The following BDP1 variants were observed in gnomAD, a reference collection of about 807,000 sequenced individuals.
BDP1 encodes the protein BDP1 general transcription factor IIIB subunit, also known as transcription factor TFIIIB component B'' homolog.
Under a neutral mutation model 266.6 loss-of-function variants are expected in BDP1, and 169 were observed. That is an observed-to-expected ratio of 0.63 (90% CI 0.56 to 0.72). BDP1 has a LOEUF of 0.72. BDP1 is among the 30% of genes least tolerant of loss of function. BDP1 has a pLI of 0.00. For missense variants in BDP1, 3,015 were observed against 3,053.8 expected, an observed-to-expected ratio of 0.99 and a Z score of 0.30; for synonymous variants, 1,090 against 1,022.4, an observed-to-expected ratio of 1.07 and a Z score of -1.26.
intron 38 of BDP1, 96 bp from the exon 39 acceptor site, chr5:71,564,658 G>A: frequency 8.9e-7 from 1 of 1,126,792 alleles, no homozygotes; most frequent in Non-Finnish European, 1.2e-6. Flanking sequence ...TTTTCAAACA[G>A]ATCATATTGG....
At chr5:71,504,215 G>A (rs1478650464) in intron 15 of BDP1, among the ~76,000 whole-genome samples, 2 of 150,548 alleles carry the variant, frequency 1.3e-5, no homozygotes, top group Admixed American at 1.3e-4. Flanking sequence ...AGAGCTTGCA[G>A]TGAGCCGAGA....
Position 71,461,831 on chromosome 5 carries a change from C to T in BDP1, c.504C>T (p.Asn168=). ...TATGTATACAGAAACAATGGAAAAA[C>T]AAATATGCTATAAATGAAAGTCAGA... The part of the protein sequence containing the change: ...ELRKEKKQWK[N]KYAINESQRP... Residue 168 remains asparagine (N), a synonymous_variant, in exon 3 of 39, where the codon AAC becomes AAT. Coordinates refer to ENST00000358731, the MANE Select transcript of BDP1 (RefSeq NM_018429.3). 3.8e-6 allele frequency: 6 copies of T among 1,595,438 alleles called. No homozygotes were observed. Among genetic ancestry groups the T allele is most frequent in the Non-Finnish European group, 5.1e-6 (6 of 1,168,706 alleles).
chr5:71,557,241 C>T (rs1460366938), intron 36 of BDP1, among the ~76,000 whole-genome samples: 1 of 152,106 alleles, frequency 6.6e-6, no homozygotes, highest in Non-Finnish European at 1.5e-5. Flanking sequence ...CAGGTTCTCA[C>T]TCTGTTACCT....
intron 13 of BDP1, among the ~76,000 whole-genome samples, chr5:71,499,423 C>T (rs1012922917): frequency 3.9e-5 from 6 of 152,174 alleles, no homozygotes; most frequent in South Asian, 2.1e-4. Flanking sequence ...TTGAAACCAG[C>T]CTGGCCAACA....
At position 71,504,608 on chromosome 5, in the gene BDP1, GT is replaced by G; in HGVS notation, c.2242-10del. On this transcript the variant is annotated splice_polypyrimidine_tract_variant and intron_variant, in intron 15 of 38. Coordinates refer to ENST00000358731, the MANE Select transcript of BDP1 (RefSeq NM_018429.3). ...GAAACCTAAAACATTAGAAAAATTT[GT>G]TTGTTTTTAAGACTCCTCAACACAT... is the stretch of plus-strand genomic sequence containing the variant. 6.3e-7 allele frequency: 1 copy of G among 1,592,952 alleles called. No individual in the cohort carries two copies. Among genetic ancestry groups the G allele is most frequent in the Non-Finnish European group, 8.5e-7 (1 of 1,171,906 alleles).
intron 34 of BDP1, among the ~76,000 whole-genome samples, chr5:71,552,807 G>A (rs1438588938): frequency 2.6e-5 from 4 of 152,218 alleles, no homozygotes; most frequent in African/African-American, 4.8e-5. Flanking sequence ...GAGGGAGACC[G>A]TGGAAAGAGA....
At chr5:71,552,673 A>T (rs983457364) in intron 34 of BDP1, among the ~76,000 whole-genome samples, 2 of 152,244 alleles carry the variant, frequency 1.3e-5, no homozygotes, top group Admixed American at 6.5e-5. Context: ...TACGAAAACC[A>T]GTCAGGTGTG....
At chr5:71,477,088 C>G (rs548513356) in intron 7 of BDP1, among the ~76,000 whole-genome samples, 4 of 151,744 alleles carry the variant, frequency 2.6e-5, no homozygotes, top group Non-Finnish European at 5.9e-5. Flanking sequence ...TTCAAGTGGT[C>G]TGCCTACCTC....
intron 7 of BDP1, among the ~76,000 whole-genome samples, chr5:71,476,852 C>T (rs1021049328): frequency 3.9e-5 from 6 of 151,912 alleles, no homozygotes; most frequent in Admixed American, 6.6e-5. Context: ...TACAGGCGCC[C>T]GCCACCACGC....
rs758473463 is a variant in BDP1 at position 71,567,127 on chromosome 5, A to T, written c.*2242A>T. The T allele has an allele frequency of 1.3e-5, 2 of 152,186 alleles. No homozygotes were observed. The highest frequency in any genetic ancestry group is 2.9e-5 in the Non-Finnish European group (2 of 68,024). The allele number at this position is 152,186 out of a possible 1,614,324, so 9.4% of individuals were successfully genotyped here. A position where few individuals can be genotyped will look rare whatever the true frequency, so the allele number is the denominator to read the frequency against. ...AATCATGGTAGTAAATCACATTGCTATTTGAATACCCTGTTTTTGTAAGTT... is the reference window on the plus strand; with the variant it reads ...AATCATGGTAGTAAATCACATTGCTTTTTGAATACCCTGTTTTTGTAAGTT... On this transcript the variant is annotated 3_prime_UTR_variant, in exon 39 of 39. Transcript: ENST00000358731.
At chr5:71,533,324 C>CT (rs1766368761) in intron 26 of BDP1, among the ~76,000 whole-genome samples, 1 of 152,096 alleles carries the variant, frequency 6.6e-6, no homozygotes, top group East Asian at 1.9e-4. Flanking sequence ...TATGGTAACT[C>CT]TATGTTTCAT....
At chr5:71,544,275 T>C in intron 30 of BDP1, 82 bp from the exon 31 acceptor site, 1 of 1,337,710 alleles carries the variant, frequency 7.5e-7, no homozygotes, top group South Asian at 1.5e-5. Context: ...GGAATCTTCC[T>C]TTTAAGAGGG....
chr5:71,511,957 AC>A, intron 17 of BDP1, among the ~76,000 whole-genome samples: 1 of 149,446 alleles, frequency 6.7e-6, no homozygotes, highest in South Asian at 2.1e-4. Flanking sequence ...TTTTCAAGTT[AC>A]TTTGAAGTTC....
chr5:71,527,129 C>T (rs1219572704), intron 25 of BDP1, among the ~76,000 whole-genome samples: 1 of 152,116 alleles, frequency 6.6e-6, no homozygotes, highest in Admixed American at 6.6e-5. Flanking sequence ...CTATGTTGCA[C>T]AGTCTGGTCT....
intron 3 of BDP1, among the ~76,000 whole-genome samples, chr5:71,463,614 G>C (rs1301115990): frequency 6.6e-6 from 1 of 152,026 alleles, no homozygotes; most frequent in Non-Finnish European, 1.5e-5. Context: ...ATGATCCCAG[G>C]AGTTTGAGAC....
chr5:71,497,638 CAGT>C (rs766588879), intron 13 of BDP1, among the ~76,000 whole-genome samples: 3 of 152,188 alleles, frequency 2.0e-5, no homozygotes, highest in Admixed American at 6.5e-5. Context: ...CAGATATCCT[CAGT>C]GGTGATAAAT....
rs1398432476 is a variant in BDP1, at chr5:71,539,636, T to G, written c.6009T>G (p.Ser2003Arg). The change falls in exon 28 of 39, where the codon AGT (serine) becomes AGG (arginine). Residue 2003 changes from serine (S) to arginine (R), a missense_variant. Coordinates refer to ENST00000358731, the MANE Select transcript of BDP1 (RefSeq NM_018429.3). ...GDLVLQSEIS[S>R]EQGDVGVCII... is the part of the protein sequence containing the mutation. ...TAGTATTGCAGTCAGAGATCAGTAG[T>G]GAACAGGGTGATGGTAAGAATGAAA... 6.2e-7 allele frequency: 1 copy of G among 1,608,246 alleles called. No individual in the cohort carries two copies. Among genetic ancestry groups the G allele is most frequent in the Non-Finnish European group, 8.5e-7 (1 of 1,176,096 alleles).
rs1424164171 is a variant in BDP1 at position 71,510,921 on chromosome 5, G to A, written c.3829G>A (p.Glu1277Lys). ...KVSGKMAVVE[E>K]MEADLKETGK... ...ATCAGGAAAGATGGCTGTTGTTGAA[G>A]AAATGGAGGCAGATTTGAAAGAAAC... Residue 1277 changes from glutamate (E) to lysine (K), a missense_variant, in exon 17 of 39, where the codon GAA (glutamate) becomes AAA (lysine). Coordinates refer to ENST00000358731, the MANE Select transcript of BDP1 (RefSeq NM_018429.3). 3 of 1,613,708 alleles carry A rather than the reference G, an allele frequency of 1.9e-6. No homozygotes were observed. Among genetic ancestry groups the A allele is most frequent in the Non-Finnish European group, 2.5e-6 (3 of 1,179,784 alleles).
At chr5:71,491,830 A>G (rs1381390555) in intron 11 of BDP1, among the ~76,000 whole-genome samples, 1 of 152,014 alleles carries the variant, frequency 6.6e-6, no homozygotes, top group East Asian at 1.9e-4. Flanking sequence ...CAATCCTCCC[A>G]TCTCAGCCTC....
Sources: allele counts gnomAD v4.1 joint callset (sites outside exome capture counted in the v4.1 genomes callset), GRCh38; gene constraint gnomAD v4.1.1; transcripts MANE v1.5; gene names NCBI Gene and HGNC (gene_info 2026-07-23, HGNC 2026-07-21).